The following PDE1C variants were observed in gnomAD, a reference collection of about 807,000 sequenced individuals.
PDE1C encodes the protein dual specificity calcium/calmodulin-dependent 3',5'-cyclic nucleotide phosphodiesterase 1C.
In PDE1C, 62 loss-of-function variants were observed where a neutral mutation model predicts 93.1. The ratio of observed to expected loss-of-function variants is 0.67; its 90% CI spans 0.54 to 0.82. The LOEUF is 0.82. Among genes scored for constraint, PDE1C ranks in the 40% least tolerant of loss-of-function variants. PDE1C has a pLI of 0.00. For missense variants in PDE1C, 742 were observed against 884.6 expected (o/e 0.84, Z 2.04); for synonymous variants, 325 against 310.1 (o/e 1.05, Z -0.50).
At chr7:32,164,857 C>T (rs1394597727) in intron 3 of PDE1C, among the ~76,000 whole-genome samples, 3 of 152,142 alleles carry the variant, frequency 2.0e-5, no homozygotes, top group Non-Finnish European at 4.4e-5. Flanking sequence ...ATTCCTGTCA[C>T]TAATCAGACT....
At chr7:32,255,373 G>A (rs1809717230) in intron 1 of PDE1C, among the ~76,000 whole-genome samples, 1 of 152,178 alleles carries the variant, frequency 6.6e-6, no homozygotes, top group Non-Finnish European at 1.5e-5. Flanking sequence ...CAGTTTGCAT[G>A]TGGCTAGGCC....
intron 2 of PDE1C, among the ~76,000 whole-genome samples, chr7:31,903,543 G>T (rs575250756): frequency 1.3e-4 from 20 of 152,166 alleles, no homozygotes; most frequent in African/African-American, 4.8e-4. Flanking sequence ...CACAAGGTCA[G>T]ATTCTTAGAT....
intron 2 of PDE1C, among the ~76,000 whole-genome samples, chr7:32,171,521 TTAAAATTAATATTTTAA>T (rs1242717045): frequency 6.7e-6 from 1 of 149,126 alleles, no homozygotes; most frequent in African/African-American, 2.4e-5. Flanking sequence ...AATTAAATTA[TTAAAATTAATATTTTAA>T]TAAAATTTTA....
chr7:31,780,803 TTGTGTGTGTGTGTG>T (rs55970947), intron 16 of PDE1C, among the ~76,000 whole-genome samples: 4,520 of 149,690 alleles, frequency 0.03, 214 homozygotes, highest in African/African-American at 0.099. Context: ...ACGTGTGCAT[TTGTGTGTGTGTGTG>T]TGTGTGTGTG....
intron 1 of PDE1C, among the ~76,000 whole-genome samples, chr7:32,285,994 C>T (rs1257291377): frequency 2.0e-5 from 3 of 152,128 alleles, no homozygotes; most frequent in Admixed American, 6.5e-5. Flanking sequence ...ACATGCTTTT[C>T]AAGGATGAGA....
intron 2 of PDE1C, among the ~76,000 whole-genome samples, chr7:32,183,404 T>G (rs1290445028): frequency 6.6e-6 from 1 of 152,126 alleles, no homozygotes; most frequent in East Asian, 1.9e-4. Context: ...CAAACTATAC[T>G]ACAAGGCTAC....
intron 2 of PDE1C, among the ~76,000 whole-genome samples, chr7:31,931,695 A>G (rs555450778): frequency 3.9e-5 from 6 of 152,318 alleles, no homozygotes; most frequent in South Asian, 4.1e-4. Context: ...TGCTATTCCC[A>G]TTAAGCTAAC....
At chr7:31,617,132 A>G in the PDE1C span, among the ~76,000 whole-genome samples, 2 of 152,188 alleles carry the variant, frequency 1.3e-5, no homozygotes, top group Non-Finnish European at 2.9e-5. Context: ...TAATTTATCA[A>G]CTTGTTCAGT....
intron 2 of PDE1C, among the ~76,000 whole-genome samples, chr7:31,983,846 T>TGA (rs1319892376): frequency 6.6e-6 from 1 of 152,160 alleles, no homozygotes; most frequent in Non-Finnish European, 1.5e-5. Flanking sequence ...GACGGCAACA[T>TGA]GAGAGCATCA....
intron 6 of PDE1C, among the ~76,000 whole-genome samples, chr7:31,870,601 T>A (rs1038196494): frequency 1.8e-4 from 27 of 151,944 alleles, no homozygotes; most frequent in Admixed American, 6.6e-5. Context: ...TGAGTTTGAA[T>A]CAGTAATACA....
intron 2 of PDE1C, among the ~76,000 whole-genome samples, chr7:32,014,508 GGTTT>G (rs1415667151): frequency 6.6e-6 from 1 of 152,152 alleles, no homozygotes; most frequent in East Asian, 1.9e-4. Context: ...AGAACATGCA[GGTTT>G]GTTACACAGG....
At chr7:31,834,360 G>T (rs917950249) in intron 11 of PDE1C, among the ~76,000 whole-genome samples, 1 of 152,168 alleles carries the variant, frequency 6.6e-6, no homozygotes, top group African/African-American at 2.4e-5. Flanking sequence ...CAGAATGGTA[G>T]GTCCACTGAC....
intron 14 of PDE1C, chr7:31,820,527 C>T (rs1230461134): frequency 6.6e-6 from 1 of 151,976 alleles, no homozygotes; most frequent in African/African-American, 2.4e-5. Flanking sequence ...CAGTTCTTGC[C>T]TACCTAGTTT....
chr7:32,170,368 C>G (rs1224127036), intron 2 of PDE1C, among the ~76,000 whole-genome samples: 1 of 152,040 alleles, frequency 6.6e-6, no homozygotes, highest in Non-Finnish European at 1.5e-5. Flanking sequence ...ATGGAGACAC[C>G]CACCCCAAAG....
the PDE1C span, among the ~76,000 whole-genome samples, chr7:31,740,966 G>T: frequency 4.0e-5 from 6 of 151,840 alleles, no homozygotes; most frequent in Non-Finnish European, 8.8e-5. Flanking sequence ...CTACTCAGGA[G>T]GCTGAAGTGG....
the PDE1C span, among the ~76,000 whole-genome samples, chr7:31,674,548 T>A: frequency 7.2e-5 from 11 of 152,230 alleles, no homozygotes; most frequent in East Asian, 2.1e-3. Flanking sequence ...TATAAATCCA[T>A]GCAATGTGTT....
intron 16 of PDE1C, among the ~76,000 whole-genome samples, chr7:31,792,902 T>C (rs1029951166): frequency 1.1e-4 from 16 of 152,086 alleles, no homozygotes; most frequent in Non-Finnish European, 2.4e-4. Flanking sequence ...AAATGGAAAC[T>C]TTCTTGCCAC....
At chr7:31,643,907 C>A in the PDE1C span, 1 of 1,613,742 alleles carries the variant, frequency 6.2e-7, no homozygotes, top group South Asian at 1.1e-5. Context: ...CAGTTCATGA[C>A]GACTTTGAAA....
the PDE1C span, among the ~76,000 whole-genome samples, chr7:31,673,774 A>G: frequency 1.3e-5 from 2 of 151,882 alleles, no homozygotes; most frequent in African/African-American, 4.8e-5. Flanking sequence ...TGGTAAACAT[A>G]TTCATTCCCT....
Sources: gnomAD v4.1 joint callset for allele counts (sites outside exome capture counted in the v4.1 genomes callset) on GRCh38, gnomAD v4.1.1 for gene constraint, MANE v1.5 for transcripts, NCBI Gene and HGNC (gene_info 2026-07-23, HGNC 2026-07-21) for gene names.